LATS2: variants seen among roughly 807,000 people sequenced by gnomAD.
The protein encoded by LATS2 is serine/threonine-protein kinase LATS2.
A neutral mutation model predicts 76.0 loss-of-function variants in LATS2; 24 were observed. That is an observed-to-expected ratio of 0.32 (90% CI 0.23 to 0.44). The LOEUF (loss-of-function observed/expected upper bound fraction) is 0.44, where lower values mean the gene tolerates loss of function less well. Among genes scored for constraint, LATS2 ranks in the 20% least tolerant of loss-of-function variants. LATS2 has a pLI of 1.00. For missense variants in LATS2, 1,286 were observed against 1,481.2 expected, an observed-to-expected ratio of 0.87 and a Z score of 2.16; for synonymous variants, 692 against 635.4, an observed-to-expected ratio of 1.09 and a Z score of -1.34.
intron 2 of LATS2, among the ~76,000 whole-genome samples, chr13:21,042,005 C>T (rs1424512054): frequency 6.6e-6 from 1 of 152,180 alleles, no homozygotes; most frequent in African/African-American, 2.4e-5. Context: ...TAAATGCAAA[C>T]TTAAATGATC....
chr13:21,013,692 G>A (rs1216580783), intron 2 of LATS2, among the ~76,000 whole-genome samples: 2 of 152,156 alleles, frequency 1.3e-5, no homozygotes, highest in Non-Finnish European at 2.9e-5. Flanking sequence ...AGGGCCAGGT[G>A]CAGCGGCTCG....
At position 20,973,719 on chromosome 13, in the gene LATS2, C is replaced by T. The variant is rs769923703; in HGVS notation, c.*1151G>A. On this transcript the variant is annotated 3_prime_UTR_variant, in exon 8 of 8. Transcript: ENST00000382592. ...AAAAAAAGTGAGAGAACCATTAGAT[C>T]ACTCAGTTTCCTGACAGTAACAGAA... 2.2e-5 allele frequency: 5 copies of T among 230,194 alleles called. No individual in the cohort carries two copies. Among genetic ancestry groups the T allele is most frequent in the Non-Finnish European group, 3.4e-5 (4 of 116,058 alleles). 14.3% of individuals were successfully genotyped at this position (230,194 alleles called of 1,614,324 possible). A position where few individuals can be genotyped will look rare whatever the true frequency, so the allele number is the denominator to read the frequency against.
chr13:21,053,550 G>A (rs1285051009), intron 1 of LATS2, among the ~76,000 whole-genome samples: 4 of 152,188 alleles, frequency 2.6e-5, no homozygotes, highest in South Asian at 4.2e-4. Flanking sequence ...CCGAATCTGC[G>A]TCCTCAGTTC....
At chr13:21,049,312 G>A (rs1345846993) in intron 1 of LATS2, among the ~76,000 whole-genome samples, 1 of 152,212 alleles carries the variant, frequency 6.6e-6, no homozygotes, top group African/African-American at 2.4e-5. Context: ...GGCCTGAGTG[G>A]AAGGTGGGCT....
intron 1 of LATS2, among the ~76,000 whole-genome samples, chr13:21,048,264 G>A (rs1162749652): frequency 1.3e-5 from 2 of 152,216 alleles, no homozygotes; most frequent in Non-Finnish European, 2.9e-5. Context: ...GAGGATCCTA[G>A]AAGTGACTCG....
intron 1 of LATS2, among the ~76,000 whole-genome samples, chr13:21,049,057 T>A (rs1377457010): frequency 6.6e-6 from 1 of 152,012 alleles, no homozygotes; most frequent in Non-Finnish European, 1.5e-5. Flanking sequence ...TCAGGAGGAA[T>A]GGAATTCCAG....
At chr13:20,998,319 C>T (rs1174106917) in intron 2 of LATS2, among the ~76,000 whole-genome samples, 3 of 152,084 alleles carry the variant, frequency 2.0e-5, no homozygotes, top group Non-Finnish European at 4.4e-5. Flanking sequence ...TGCCACTGCA[C>T]TCCAGCCTGG....
Position 20,974,985 on chromosome 13 carries a change from T to C in LATS2, c.3152A>G (p.Tyr1051Cys). The change falls in exon 8 of 8, where the codon TAC (tyrosine) becomes TGC (cysteine). Residue 1051 changes from tyrosine (Y) to cysteine (C), a missense_variant. Physicochemically the swap from Tyr to Cys is radical, Grantham distance 194 (BLOSUM62 -2). Coordinates refer to ENST00000382592, the MANE Select transcript of LATS2 (RefSeq NM_014572.3). ...TFRRFFDDNGYPFRCPKPSGA... is the reference protein window; with the variant it reads ...TFRRFFDDNGCPFRCPKPSGA... ...TGAAGGCTTTGGGCATCGAAAGGGG[T>C]AGCCATTGTCATCAAAGAACCTTCG... 3.1e-6 allele frequency: 5 copies of C among 1,614,206 alleles called. No homozygotes were observed. Among genetic ancestry groups the C allele is most frequent in the Non-Finnish European group, 3.4e-6 (4 of 1,180,036 alleles).
chr13:20,976,738 A>G (rs1869641751), intron 7 of LATS2, among the ~76,000 whole-genome samples: 1 of 152,218 alleles, frequency 6.6e-6, no homozygotes. Context: ...CCACAATGAG[A>G]TACCACCTTA....
chr13:21,043,472 G>T (rs1001984316), intron 2 of LATS2, among the ~76,000 whole-genome samples: 8 of 152,038 alleles, frequency 5.3e-5, no homozygotes, highest in African/African-American at 7.3e-5. Context: ...TGAATTTTCT[G>T]AACGCAAATA....
chr13:21,009,359 C>G (rs1871482663), intron 2 of LATS2, among the ~76,000 whole-genome samples: 2 of 152,206 alleles, frequency 1.3e-5, no homozygotes, highest in Admixed American at 6.5e-5. Context: ...CTCCTCTCCT[C>G]TCCTCTCAGA....
intron 2 of LATS2, among the ~76,000 whole-genome samples, chr13:21,030,063 G>A (rs1370023078): frequency 6.6e-6 from 1 of 151,834 alleles, no homozygotes; most frequent in Non-Finnish European, 1.5e-5. Context: ...GGGGGAGGTT[G>A]GACTGAGCTG....
chr13:21,054,323 G>C (rs921937138), intron 1 of LATS2, among the ~76,000 whole-genome samples: 1 of 152,060 alleles, frequency 6.6e-6, no homozygotes, highest in African/African-American at 2.4e-5. Context: ...GCTGGAAATC[G>C]CTTGAACCTG....
chr13:21,047,831 G>A (rs909479431), intron 1 of LATS2, among the ~76,000 whole-genome samples: 8 of 152,112 alleles, frequency 5.3e-5, no homozygotes, highest in African/African-American at 1.7e-4. Context: ...GATGACATTT[G>A]AATTCCTAGT....
chr13:21,012,365 T>G (rs1871624986), intron 2 of LATS2, among the ~76,000 whole-genome samples: 1 of 152,154 alleles, frequency 6.6e-6, no homozygotes, highest in East Asian at 1.9e-4. Flanking sequence ...TGCTGTAGGT[T>G]TGTTTACACC....
chr13:20,974,674 T>C lies in LATS2; in HGVS notation c.*196A>G, dbSNP rs1869506226. 1 of 586,178 alleles carries C rather than the reference T, an allele frequency of 1.7e-6. No individual in the cohort carries two copies. The highest frequency in any genetic ancestry group is 2.9e-6 in the Non-Finnish European group (1 of 339,152). The allele number at this position is 586,178 out of a possible 1,614,324, so 36.3% of individuals were successfully genotyped here. A position where few individuals can be genotyped will look rare whatever the true frequency, so the allele number is the denominator to read the frequency against. On this transcript the variant is annotated 3_prime_UTR_variant, in exon 8 of 8. Coordinates refer to ENST00000382592, the MANE Select transcript of LATS2 (RefSeq NM_014572.3). ...TGCAGTGAAGGTCCTGAAAAGCCTA[T>C]TGAAAGCGATGCTGAGTCCTGTTTT...
chr13:20,975,163 T>C lies in LATS2; in HGVS notation c.2974A>G (p.Thr992Ala). ...GAGGTGTCCATGGGGTGGCTGATGG[T>C]GGGAACGTAGGGGGCTGGCTGCTTC... ...IRKQPAPYVP[T>A]ISHPMDTSNF... Residue 992 changes from threonine (T) to alanine (A), a missense_variant, in exon 8 of 8, where the codon ACC (threonine) becomes GCC (alanine). Transcript: ENST00000382592. 1 of 1,614,026 alleles carries C rather than the reference T, an allele frequency of 6.2e-7. No individual in the cohort carries two copies. The highest frequency in any genetic ancestry group is 1.1e-5 in the South Asian group (1 of 91,068).
At chr13:21,025,393 CAAA>C (rs1171981071) in intron 2 of LATS2, among the ~76,000 whole-genome samples, 5 of 49,742 alleles carry the variant, frequency 1.0e-4, no homozygotes, top group Non-Finnish European at 1.3e-4. Flanking sequence ...ACTCCGTCTC[CAAA>C]AAAAAAAAAA....
rs184497457 is a variant in LATS2, at chr13:20,973,886, C to G, written c.*984G>C. Reference sequence around the variant, plus strand: ...AGAGCATACGGACTACAGAAACGGACATGTGTCCGTGATTAAACTTTTTGG... The same window carrying G: ...AGAGCATACGGACTACAGAAACGGAGATGTGTCCGTGATTAAACTTTTTGG... On this transcript the variant is annotated 3_prime_UTR_variant, in exon 8 of 8. Coordinates refer to ENST00000382592, the MANE Select transcript of LATS2 (RefSeq NM_014572.3). The G allele has an allele frequency of 2.6e-4, 60 of 228,296 alleles. No individual in the cohort carries two copies. Among genetic ancestry groups the G allele is most frequent in the South Asian group, 5.5e-4 (3 of 5,442 alleles). The allele number at this position is 228,296 out of a possible 1,614,324, so 14.1% of individuals were successfully genotyped here.
Sources: allele counts gnomAD v4.1 joint callset (sites outside exome capture counted in the v4.1 genomes callset), GRCh38; gene constraint gnomAD v4.1.1; transcripts MANE v1.5; gene names NCBI Gene and HGNC (gene_info 2026-07-23, HGNC 2026-07-21).